The following CRACD variants were observed in gnomAD, a reference collection of about 807,000 sequenced individuals.
CRACD encodes capping protein inhibiting regulator of actin dynamics.
In CRACD, 56 loss-of-function variants were observed where a neutral mutation model predicts 106.8. The ratio of observed to expected loss-of-function variants is 0.52; its 90% CI spans 0.42 to 0.66. The LOEUF (loss-of-function observed/expected upper bound fraction) is 0.66. CRACD is among the 30% of genes least tolerant of loss of function. The probability of loss-of-function intolerance (pLI) is 0.00; values close to 1 mark genes in which losing one functional copy is unlikely to be tolerated. For missense variants in CRACD, 1,730 were observed against 1,623.2 expected, an observed-to-expected ratio of 1.07 and a Z score of -1.13; for synonymous variants, 754 against 670.8, an observed-to-expected ratio of 1.12 and a Z score of -1.92.
chr4:56,299,914 A>T (rs908675956), intron 4 of CRACD, among the ~76,000 whole-genome samples: 1 of 152,174 alleles, frequency 6.6e-6, no homozygotes, highest in African/African-American at 2.4e-5. Flanking sequence ...CACTGTACTC[A>T]GTAGAGATCA....
rs1745381537 is a variant in CRACD at position 56,314,421 on chromosome 4, G to GAGCGGAGGGAGCGGAGGA, written c.923_924insGAGGGAGCGGAGGAAGCG (p.Arg308_Glu309insArgGluArgArgLysArg). On this transcript the variant is annotated inframe_insertion, in exon 8 of 11. Coordinates refer to ENST00000682029, the MANE Select transcript of CRACD (RefSeq NM_001393381.1). This position sits in a 1 kb window ranked among gnomAD's most constrained non-coding sequence, Gnocchi z 4.4. ...AGGTTGGGAGGACGCGGAGCGGAGG[G>GAGCGGAGGGAGCGGAGGA]AGCGTGAGGAGCGCGAGCGCCTGGA... is the stretch of plus-strand genomic sequence containing the variant. 5.8e-6 allele frequency: 9 copies of GAGCGGAGGGAGCGGAGGA among 1,543,478 alleles called. No homozygotes were observed. The highest frequency in any genetic ancestry group is 7.9e-6 in the Non-Finnish European group (9 of 1,143,786).
At chr4:56,172,020 C>CTTTTTT (rs35574683) in intron 1 of CRACD, among the ~76,000 whole-genome samples, 4 of 106,372 alleles carry the variant, frequency 3.8e-5, no homozygotes, top group African/African-American at 1.1e-4. Context: ...GAGGGTTTCT[C>CTTTTTT]TTTTTTTTTT....
chr4:56,143,152 GT>G (rs891795670), intron 1 of CRACD, among the ~76,000 whole-genome samples: 1 of 150,174 alleles, frequency 6.7e-6, no homozygotes, highest in Non-Finnish European at 1.5e-5. Flanking sequence ...TGTAATCTCT[GT>G]TTTTTTTTGT....
intron 8 of CRACD, 132 bp downstream of exon 8, chr4:56,316,821 G>C: frequency 9.0e-7 from 1 of 1,105,922 alleles, no homozygotes; most frequent in East Asian, 2.6e-5. Flanking sequence ...AGTTTTATTA[G>C]AACGCTGCAG....
intron 2 of CRACD, among the ~76,000 whole-genome samples, chr4:56,249,616 A>G (rs1008880319): frequency 1.3e-5 from 2 of 152,166 alleles, no homozygotes; most frequent in Admixed American, 6.5e-5. Flanking sequence ...CTTGGCAGTT[A>G]TCTTTCAAAG....
intron 4 of CRACD, among the ~76,000 whole-genome samples, chr4:56,300,344 C>A (rs1577878403): frequency 1.0e-5 from 1 of 99,400 alleles, no homozygotes; most frequent in Non-Finnish European, 2.4e-5. Context: ...CCACCGCTGC[C>A]CAAAGCCATA....
At chr4:56,161,155 T>C (rs1473681171) in intron 1 of CRACD, among the ~76,000 whole-genome samples, 1 of 152,212 alleles carries the variant, frequency 6.6e-6, no homozygotes, top group African/African-American at 2.4e-5. Context: ...GTCTATGGAT[T>C]TGTAGGGGTA....
intron 1 of CRACD, among the ~76,000 whole-genome samples, chr4:56,077,167 C>G (rs1732867386): frequency 6.6e-6 from 1 of 152,180 alleles, no homozygotes; most frequent in Non-Finnish European, 1.5e-5. Flanking sequence ...ACTCACAGTT[C>G]CGCATGGCTG....
chr4:56,242,190 C>T (rs1008144120), intron 2 of CRACD, among the ~76,000 whole-genome samples: 2 of 152,038 alleles, frequency 1.3e-5, no homozygotes, highest in Non-Finnish European at 2.9e-5. Context: ...TCTTGAATAT[C>T]GTTGCCAATA....
chr4:56,111,813 C>G lies in CRACD; in HGVS notation c.-336+62514C>G, dbSNP rs1057406930. ...GATTACAGGCGTGAGCCAACGCACC[C>G]AGCCTGAAAAGTTTGAAATATTAAA... On this transcript the variant is annotated intron_variant, in intron 1 of 10. Transcript: ENST00000682029. 3.3e-5 allele frequency among the ~76,000 whole-genome samples: 5 copies of G among 152,148 alleles called. 1 individual carries two copies. The highest frequency in any genetic ancestry group is 2.0e-4 in the Admixed American group (3 of 15,266).
Position 56,167,983 on chromosome 4 carries a change from T to C in CRACD, c.-335-11301T>C, listed in dbSNP as rs559479576. 7.2e-5 allele frequency among the ~76,000 whole-genome samples: 11 copies of C among 152,358 alleles called. No individual in the cohort carries two copies. In the East Asian group the frequency reaches 2.1e-3, roughly 29 times the overall value. On this transcript the variant is annotated intron_variant, in intron 1 of 10. Coordinates refer to ENST00000682029, the MANE Select transcript of CRACD (RefSeq NM_001393381.1). ...ACCTTTGATAGATTCCTCAGGATTTTCTACATAGATTATCATGTTGTCTGT... is the reference window on the plus strand; with the variant it reads ...ACCTTTGATAGATTCCTCAGGATTTCCTACATAGATTATCATGTTGTCTGT...
At chr4:56,205,800 T>G (rs74901168) in intron 2 of CRACD, among the ~76,000 whole-genome samples, 6,904 of 152,246 alleles carry the variant, frequency 0.045, 396 homozygotes, top group African/African-American at 0.13. Flanking sequence ...TTATTTTATT[T>G]ACTTAAGTCC....
At chr4:56,093,954 G>C (rs1309445979) in intron 1 of CRACD, among the ~76,000 whole-genome samples, 1 of 152,114 alleles carries the variant, frequency 6.6e-6, no homozygotes, top group East Asian at 1.9e-4. Flanking sequence ...TTTGATAATT[G>C]GCTTGAATAA....
intron 1 of CRACD, among the ~76,000 whole-genome samples, chr4:56,097,053 A>G (rs1348943734): frequency 6.6e-6 from 1 of 152,196 alleles, no homozygotes; most frequent in African/African-American, 2.4e-5. Flanking sequence ...TGAATGGATA[A>G]TAATGGATGA....
At position 56,316,158 on chromosome 4, in the gene CRACD, G is replaced by T; in HGVS notation, c.2656G>T (p.Ala886Ser). Residue 886 changes from alanine to serine, a missense_variant, in exon 8 of 11, where the codon GCG (alanine) becomes TCG (serine). Coordinates refer to ENST00000682029, the MANE Select transcript of CRACD (RefSeq NM_001393381.1). ...CAGCGCGGATGCAGGGCCGCCTGCA[G>T]CGGGGAGCGCTCGTGGAGAGAAAGA... ...GDSADAGPPA[A>S]GSARGEKEME... 2 of 1,614,174 alleles carry T rather than the reference G, an allele frequency of 1.2e-6. No homozygotes were observed.
At chr4:56,288,998 T>C (rs1282297649) in intron 3 of CRACD, among the ~76,000 whole-genome samples, 1 of 152,244 alleles carries the variant, frequency 6.6e-6, no homozygotes, top group African/African-American at 2.4e-5. Context: ...AACATTATGC[T>C]AAGTGAAATA....
At chr4:56,173,943 C>T (rs1736481226) in intron 1 of CRACD, among the ~76,000 whole-genome samples, 2 of 152,136 alleles carry the variant, frequency 1.3e-5, no homozygotes, top group Non-Finnish European at 1.5e-5. Flanking sequence ...GGTATCTCAT[C>T]GTACTTTTGA....
At chr4:56,268,655 T>G (rs1168428770) in intron 2 of CRACD, among the ~76,000 whole-genome samples, 1 of 152,222 alleles carries the variant, frequency 6.6e-6, no homozygotes, top group Non-Finnish European at 1.5e-5. Context: ...TTTTCAGCCT[T>G]GGACAGTCGT....
chr4:56,081,717 T>A (rs1733037764), intron 1 of CRACD, among the ~76,000 whole-genome samples: 1 of 152,178 alleles, frequency 6.6e-6, no homozygotes, highest in African/African-American at 2.4e-5. Flanking sequence ...GGTTCATGCC[T>A]GTAATCTCAG....
Sources: gnomAD v4.1 joint callset for allele counts (sites outside exome capture counted in the v4.1 genomes callset) on GRCh38, gnomAD v4.1.1 for gene constraint, Gnocchi (gnomAD v3.1) non-coding constraint, MANE v1.5 for transcripts, NCBI Gene and HGNC (gene_info 2026-07-23, HGNC 2026-07-21) for gene names.